STK40: variants seen among roughly 807,000 people sequenced by gnomAD.
The protein encoded by STK40 is serine/threonine kinase 40.
STK40 carries 13 observed loss-of-function variants against 47.9 expected under a neutral mutation model. The observed-to-expected ratio is 0.27, with a 90% CI of 0.18 to 0.43. The LOEUF (loss-of-function observed/expected upper bound fraction) is 0.43, where lower values mean the gene tolerates loss of function less well. Ranked by LOEUF, STK40 falls within the 20% of genes least tolerant of loss-of-function variation. STK40 has a pLI of 1.00. For synonymous variants in STK40, 225 were observed against 243.2 expected, an observed-to-expected ratio of 0.93 and a Z score of 0.69; for missense variants, 460 against 595.1, an observed-to-expected ratio of 0.77 and a Z score of 2.36.
intron 1 of STK40, among the ~76,000 whole-genome samples, chr1:36,378,258 T>G (rs1394551088): frequency 6.6e-6 from 1 of 152,158 alleles, no homozygotes; most frequent in Non-Finnish European, 1.5e-5. Flanking sequence ...CTAGCCAGGA[T>G]GGAGGAAGGG....
intron 1 of STK40, among the ~76,000 whole-genome samples, chr1:36,378,126 G>A (rs1647007319): frequency 6.6e-6 from 1 of 152,232 alleles, no homozygotes; most frequent in Non-Finnish European, 1.5e-5. Context: ...AGGTCAGGGA[G>A]GGACCTGTCT....
At chr1:36,355,551 C>G in intron 4 of STK40, 118 bp from the exon 5 acceptor site, 2 of 1,123,010 alleles carry the variant, frequency 1.8e-6, no homozygotes, top group Non-Finnish European at 2.6e-6. Flanking sequence ...TGGAATTAGC[C>G]TGCATGTGCG....
At chr1:36,379,651 A>T (rs1446709954) in intron 1 of STK40, among the ~76,000 whole-genome samples, 1 of 151,990 alleles carries the variant, frequency 6.6e-6, no homozygotes, top group African/African-American at 2.4e-5. Context: ...AAGTGCTGGG[A>T]TTACAGGTGT....
intron 1 of STK40, among the ~76,000 whole-genome samples, chr1:36,368,997 A>G (rs1479973084): frequency 6.6e-6 from 1 of 152,178 alleles, no homozygotes; most frequent in Non-Finnish European, 1.5e-5. Flanking sequence ...ATAGCTCCCA[A>G]GACCTGATTC....
intron 1 of STK40, among the ~76,000 whole-genome samples, chr1:36,379,698 GGGAGTGGGAACACCT>G (rs1169405302): frequency 1.3e-5 from 2 of 152,022 alleles, no homozygotes; most frequent in Non-Finnish European, 2.9e-5. Context: ...AGCCTCTTTA[GGGAGTGGGAACACCT>G]GTGTTCCCCT....
chr1:36,346,060 T>C (rs2124726378), intron 7 of STK40, among the ~76,000 whole-genome samples: 1 of 135,376 alleles, frequency 7.4e-6, no homozygotes, highest in East Asian at 2.2e-4. Flanking sequence ...AGTGGTGAGA[T>C]CTCGGCTCAC....
intron 2 of STK40, among the ~76,000 whole-genome samples, chr1:36,360,592 G>C (rs527491042): frequency 5.0e-4 from 76 of 152,042 alleles, no homozygotes; most frequent in African/African-American, 1.8e-3. Context: ...CTGGAATGCA[G>C]TGGCGTGATC....
At chr1:36,362,048 T>C (rs975385939) in intron 1 of STK40, among the ~76,000 whole-genome samples, 1 of 152,178 alleles carries the variant, frequency 6.6e-6, no homozygotes, top group Admixed American at 6.5e-5. Flanking sequence ...AGAAAATTCA[T>C]TGTGTATTTA....
chr1:36,367,872 G>A, intron 1 of STK40: 1 of 985,488 alleles, frequency 1.0e-6, no homozygotes, highest in South Asian at 4.7e-5. Flanking sequence ...GTAAGGGACT[G>A]TCCAGGATGA....
intron 1 of STK40, among the ~76,000 whole-genome samples, chr1:36,366,344 G>A (rs983610243): frequency 2.6e-5 from 4 of 152,176 alleles, no homozygotes; most frequent in African/African-American, 9.7e-5. Context: ...GGCAACAGAC[G>A]CGCAGGGAGA....
chr1:36,354,420 TA>T lies in STK40; in HGVS notation c.571-5del. ...GGTCTCTGTGCACGATATTTTTCTG[TA>T]AAACAACAGGCGTATGGTTTACATT... On this transcript the variant is annotated splice_region_variant and splice_polypyrimidine_tract_variant and intron_variant, in intron 5 of 10. Coordinates refer to ENST00000373132, the MANE Select transcript of STK40 (RefSeq NM_001282547.2). The T allele has an allele frequency of 6.2e-7, 1 of 1,613,998 alleles. No homozygotes were observed. Among genetic ancestry groups the T allele is most frequent in the Non-Finnish European group, 8.5e-7 (1 of 1,179,912 alleles).
At chr1:36,373,217 T>C (rs967875228) in intron 1 of STK40, among the ~76,000 whole-genome samples, 43 of 152,274 alleles carry the variant, frequency 2.8e-4, no homozygotes, top group African/African-American at 9.4e-4. Context: ...GCTGGCGGTG[T>C]CACCAGGTCT....
At chr1:36,343,513 C>A (rs765120142) in intron 9 of STK40, 65 bp from the exon 10 acceptor site, 128 of 1,474,314 alleles carry the variant, frequency 8.7e-5, no homozygotes, top group Non-Finnish European at 1.1e-4. Flanking sequence ...CCAGACTTAA[C>A]TGGAGTCAGA....
rs1165513354 is a variant in STK40, at chr1:36,340,123, G to C, written c.*1632C>G. On this transcript the variant is annotated 3_prime_UTR_variant, in exon 11 of 11. Coordinates refer to ENST00000373132, the MANE Select transcript of STK40 (RefSeq NM_001282547.2). Reference sequence around the variant, plus strand: ...CACAAGACCCTGGCCCTCAGCGCTGGACAGCTGAGACAGACGCAGGCTCGC... The same window carrying C: ...CACAAGACCCTGGCCCTCAGCGCTGCACAGCTGAGACAGACGCAGGCTCGC... The C allele has an allele frequency of 1.3e-5, 2 of 152,754 alleles. No individual in the cohort carries two copies. Among genetic ancestry groups the C allele is most frequent in the Non-Finnish European group, 1.5e-5 (1 of 68,138 alleles). 9.5% of individuals were successfully genotyped at this position (152,754 alleles called of 1,614,324 possible).
chr1:36,341,998 G>GAGA, intron 10 of STK40, 25 bp from the exon 11 acceptor site: 1 of 1,594,624 alleles, frequency 6.3e-7, no homozygotes, highest in Non-Finnish European at 8.6e-7. Context: ...GGGTGGGAAG[G>GAGA]AGACAAAGAT....
chr1:36,350,913 C>T (rs908738103), intron 6 of STK40, among the ~76,000 whole-genome samples: 1 of 152,196 alleles, frequency 6.6e-6, no homozygotes, highest in Non-Finnish European at 1.5e-5. Context: ...AGCTCCAAGT[C>T]CTCCTGAGGT....
At chr1:36,378,467 CTTTTTTTT>C (rs570614256) in intron 1 of STK40, among the ~76,000 whole-genome samples, 1 of 147,956 alleles carries the variant, frequency 6.8e-6, no homozygotes, top group Non-Finnish European at 1.5e-5. Context: ...GGCTTTTTTT[CTTTTTTTT>C]TTGAGACGGA....
At chr1:36,360,569 A>T (rs1646843513) in intron 2 of STK40, among the ~76,000 whole-genome samples, 1 of 151,538 alleles carries the variant, frequency 6.6e-6, no homozygotes, top group East Asian at 1.9e-4. Context: ...AGAGTCTCGC[A>T]CCGTTGCCTA....
intron 7 of STK40, among the ~76,000 whole-genome samples, chr1:36,345,738 T>C (rs566061149): frequency 1.1e-4 from 17 of 151,922 alleles, no homozygotes; most frequent in Non-Finnish European, 2.4e-4. Flanking sequence ...CCTGTTGAGC[T>C]GTCCTGCTGG....
Sources: gnomAD v4.1 joint callset for allele counts (sites outside exome capture counted in the v4.1 genomes callset) on GRCh38, gnomAD v4.1.1 for gene constraint, MANE v1.5 for transcripts, NCBI Gene and HGNC (gene_info 2026-07-23, HGNC 2026-07-21) for gene names.